Variants in APLF observed in about 807,000 individuals in gnomAD.
APLF encodes the protein aprataxin and PNK-like factor.
In APLF, 61 loss-of-function variants were observed where a neutral mutation model predicts 55.6. The ratio of observed to expected loss-of-function variants is 1.10; its 90% CI spans 0.89 to 1.36. The LOEUF (loss-of-function observed/expected upper bound fraction) is 1.36. Ranked by LOEUF, APLF falls within the 40% of genes most tolerant of loss-of-function variation. The pLI, the probability that APLF is intolerant of heterozygous loss-of-function variation, is 0.00. For synonymous variants in APLF, 207 were observed against 214.8 expected, an observed-to-expected ratio of 0.96 and a Z score of 0.32; for missense variants, 611 against 602.5, an observed-to-expected ratio of 1.01 and a Z score of -0.15.
rs886689575 is a variant in APLF, at chr2:68,473,964, A to G, written c.96+6137A>G. On this transcript the variant is annotated intron_variant, in intron 1 of 9. Transcript: ENST00000303795. ...AGATTTCCCCCCACTTCTGATGGCA[A>G]TTGCAAGCCCCAAGTTGTTTTACCT... is the stretch of plus-strand genomic sequence containing the variant. 1.1e-4 allele frequency among the ~76,000 whole-genome samples: 17 copies of G among 152,184 alleles called. 1 individual carries two copies. Among genetic ancestry groups the G allele is most frequent in the Non-Finnish European group, 2.2e-4 (15 of 68,030 alleles).
At chr2:68,480,058 C>T (rs1675904288) in intron 1 of APLF, among the ~76,000 whole-genome samples, 1 of 152,086 alleles carries the variant, frequency 6.6e-6, no homozygotes, top group Non-Finnish European at 1.5e-5. Context: ...GTTAATCAAT[C>T]ATTTATAATT....
chr2:68,549,480 A>C (rs13399947), intron 8 of APLF, among the ~76,000 whole-genome samples: 12,749 of 152,004 alleles, frequency 0.084, 585 homozygotes, highest in Middle Eastern at 0.12. Context: ...ATCATTATTG[A>C]TTTATAATTT....
At chr2:68,483,045 C>T (rs193016924) in intron 1 of APLF, among the ~76,000 whole-genome samples, 8 of 152,000 alleles carry the variant, frequency 5.3e-5, no homozygotes, top group African/African-American at 1.7e-4. Context: ...TACAGTCCTT[C>T]ATGTGGTCTT....
chr2:68,484,143 A>G (rs536835968), intron 1 of APLF, among the ~76,000 whole-genome samples: 188 of 150,136 alleles, frequency 1.3e-3, no homozygotes, highest in African/African-American at 4.4e-3. Flanking sequence ...TTTGACTTCA[A>G]TAAATACCAA....
chr2:68,544,941 C>T (rs1380572327), intron 7 of APLF, among the ~76,000 whole-genome samples: 1 of 152,100 alleles, frequency 6.6e-6, no homozygotes, highest in African/African-American at 2.4e-5. Context: ...CTATTGATAT[C>T]ATGGCTCATC....
chr2:68,501,389 G>C (rs1249268999), intron 2 of APLF, among the ~76,000 whole-genome samples: 1 of 151,626 alleles, frequency 6.6e-6, no homozygotes, highest in African/African-American at 2.4e-5. Flanking sequence ...ATAGAAGGAA[G>C]GGTAATAGAG....
At chr2:68,541,432 A>G (rs566566732) in intron 7 of APLF, among the ~76,000 whole-genome samples, 62 of 152,136 alleles carry the variant, frequency 4.1e-4, no homozygotes, top group African/African-American at 1.2e-3. Flanking sequence ...CTAGCAACCA[A>G]TAAGAAAATG....
chr2:68,518,802 T>TATA (rs1553372015), intron 5 of APLF, among the ~76,000 whole-genome samples: 48 of 21,608 alleles, frequency 2.2e-3, no homozygotes, highest in African/African-American at 0.014. Context: ...ATTAATAATC[T>TATA]ATCATATAAT....
chr2:68,571,511 A>G (rs1671464434), intron 9 of APLF, among the ~76,000 whole-genome samples: 1 of 152,214 alleles, frequency 6.6e-6, no homozygotes, highest in African/African-American at 2.4e-5. Flanking sequence ...CTTTCTACAT[A>G]TGGCTAGCCA....
intron 9 of APLF, among the ~76,000 whole-genome samples, chr2:68,568,509 A>T (rs1335890504): frequency 1.3e-5 from 2 of 152,134 alleles, no homozygotes; most frequent in Non-Finnish European, 2.9e-5. Flanking sequence ...TACTTTCTTT[A>T]CTGTGGTCAT....
chr2:68,559,316 T>G (rs985386194), intron 8 of APLF, among the ~76,000 whole-genome samples: 1 of 152,170 alleles, frequency 6.6e-6, no homozygotes, highest in Non-Finnish European at 1.5e-5. Context: ...CCTCTTTTTC[T>G]TCCCTACTTG....
At chr2:68,492,921 G>T (rs1447100176) in intron 2 of APLF, among the ~76,000 whole-genome samples, 1 of 152,152 alleles carries the variant, frequency 6.6e-6, no homozygotes, top group Non-Finnish European at 1.5e-5. Flanking sequence ...GAGAAAGGTA[G>T]CTCTTTTTTA....
intron 1 of APLF, among the ~76,000 whole-genome samples, chr2:68,470,812 G>A (rs571103522): frequency 6.6e-6 from 1 of 152,238 alleles, no homozygotes; most frequent in East Asian, 1.9e-4. Context: ...TGATTAAAAG[G>A]AGAAGAGTCC....
chr2:68,517,774 T>A (rs1002483166), intron 5 of APLF, among the ~76,000 whole-genome samples: 2 of 145,000 alleles, frequency 1.4e-5, no homozygotes, highest in Admixed American at 1.4e-4. Context: ...ATAACAGTAA[T>A]ATATCACTAA....
At chr2:68,509,881 T>C (rs958362263) in intron 3 of APLF, among the ~76,000 whole-genome samples, 5 of 151,940 alleles carry the variant, frequency 3.3e-5, no homozygotes, top group African/African-American at 1.2e-4. Context: ...TGGAATACTA[T>C]GCAGCCATAA....
chr2:68,490,229 G>C lies in APLF; in HGVS notation c.136G>C (p.Glu46Gln). The C allele has an allele frequency of 6.2e-7, 1 of 1,612,332 alleles. No individual in the cohort carries two copies. The highest frequency in any genetic ancestry group is 2.2e-5 in the East Asian group (1 of 44,790). Residue 46 changes from glutamate to glutamine, a missense_variant, in exon 2 of 10, where the codon GAG becomes CAG. Glu to Gln is a conservative substitution (Grantham distance 29). Transcript: ENST00000303795. ...AGTATCCAGAAGACATGCCATTCTT[G>C]AGGTGGCAGGTGGTCAGCTGCGAAT... Reference protein sequence around the residue: ...KRVSRRHAILEVAGGQLRIKP... With the variant: ...KRVSRRHAILQVAGGQLRIKP...
chr2:68,480,139 A>AC (rs1675907660), intron 1 of APLF, among the ~76,000 whole-genome samples: 1 of 151,772 alleles, frequency 6.6e-6, no homozygotes, highest in African/African-American at 2.4e-5. Flanking sequence ...GGTTCCCCTA[A>AC]CCCCCATATT....
At chr2:68,572,794 G>A (rs997966740) in intron 9 of APLF, among the ~76,000 whole-genome samples, 2 of 152,166 alleles carry the variant, frequency 1.3e-5, no homozygotes, top group African/African-American at 4.8e-5. Context: ...AGCCGTGATT[G>A]TGTCACTGCA....
chr2:68,482,195 A>C (rs1675981283), intron 1 of APLF, among the ~76,000 whole-genome samples: 1 of 151,320 alleles, frequency 6.6e-6, no homozygotes, highest in Admixed American at 6.6e-5. Context: ...ATATCTGCTC[A>C]TCTGGTGGAA....
Sources: allele counts gnomAD v4.1 joint callset (sites outside exome capture counted in the v4.1 genomes callset), GRCh38; gene constraint gnomAD v4.1.1; transcripts MANE v1.5; gene names NCBI Gene and HGNC (gene_info 2026-07-23, HGNC 2026-07-21).